The following SHPRH variants were observed in gnomAD, a reference collection of about 807,000 sequenced individuals.
SHPRH encodes E3 ubiquitin-protein ligase SHPRH.
Under a neutral mutation model 202.5 loss-of-function variants are expected in SHPRH, and 106 were observed. The ratio of observed to expected loss-of-function variants is 0.52; its 90% CI spans 0.45 to 0.62. The LOEUF (loss-of-function observed/expected upper bound fraction) is 0.62, where lower values mean the gene tolerates loss of function less well. Among genes scored for constraint, SHPRH ranks in the 20% least tolerant of loss-of-function variants. The pLI is 0.00. For missense variants in SHPRH, 1,710 were observed against 2,020.0 expected (o/e 0.85, Z 2.94); for synonymous variants, 729 against 686.0 (o/e 1.06, Z -0.98).
At chr6:145,917,728 T>G (rs1329553122) in intron 23 of SHPRH, 2 of 154,314 alleles carry the variant, frequency 1.3e-5, no homozygotes, top group African/African-American at 4.8e-5. Context: ...TTTATTACCA[T>G]GTACTCTGAT....
intron 9 of SHPRH, 82 bp downstream of exon 9, chr6:145,943,061 C>CA: frequency 6.9e-7 from 1 of 1,458,154 alleles, no homozygotes; most frequent in Non-Finnish European, 9.2e-7. Context: ...GGATAAACCA[C>CA]AAAGAAACAA....
At chr6:145,928,378 T>A (rs148872066) in intron 14 of SHPRH, among the ~76,000 whole-genome samples, 190 of 151,836 alleles carry the variant, frequency 1.3e-3, no homozygotes, top group African/African-American at 4.2e-3. Context: ...GGCAAAACCA[T>A]GCAATCCATA....
In SHPRH at chr6:145,886,657, T is replaced by C. The variant is rs1320017880; in HGVS notation, c.*34A>G. Reference sequence around the variant, plus strand: ...CTCTACAGCTATGAAAGTTTATTAATACACTAAAGTCCATGGAATGAATCA... The same window carrying C: ...CTCTACAGCTATGAAAGTTTATTAACACACTAAAGTCCATGGAATGAATCA... On this transcript the variant is annotated 3_prime_UTR_variant, in exon 30 of 30. Transcript: ENST00000275233. 2 of 1,603,378 alleles carry C rather than the reference T, an allele frequency of 1.2e-6. No homozygotes were observed. The highest frequency in any genetic ancestry group is 1.7e-6 in the Non-Finnish European group (2 of 1,176,960).
downstream of SHPRH, among the ~76,000 whole-genome samples, chr6:145,863,821 C>T (rs989629698): frequency 5.3e-5 from 8 of 152,182 alleles, no homozygotes; most frequent in Non-Finnish European, 1.0e-4. Flanking sequence ...TTCCTACTGT[C>T]CTTAGTAATT....
chr6:145,942,709 T>C (rs910122900), intron 9 of SHPRH, among the ~76,000 whole-genome samples: 7 of 152,202 alleles, frequency 4.6e-5, no homozygotes, highest in African/African-American at 1.7e-4. Flanking sequence ...CAATAAAGAT[T>C]TGCTGTATAA....
rs1460951327 is a variant in SHPRH at position 145,943,623 on chromosome 6, T to C, written c.1758A>G (p.Lys586=). The change falls in exon 9 of 30, where the codon AAA becomes AAG. Residue 586 remains lysine, a synonymous_variant. Coordinates refer to ENST00000275233, the MANE Select transcript of SHPRH (RefSeq NM_001042683.3). Reference sequence around the variant, plus strand: ...GATTGATAAATGGTTGACTTTTTCCTTTTTTTGTGGATGGAACAAGCTTTT... The same window carrying C: ...GATTGATAAATGGTTGACTTTTTCCCTTTTTTGTGGATGGAACAAGCTTTT... ...LRKKLVPSTK[K]GKSQPFINPD... is the part of the protein sequence containing the mutation. 6.2e-6 allele frequency: 10 copies of C among 1,613,702 alleles called. No homozygotes were observed. Among genetic ancestry groups the C allele is most frequent in the Non-Finnish European group, 8.5e-6 (10 of 1,179,856 alleles).
In SHPRH at chr6:145,935,432, C is replaced by A. The variant is rs1052225537; in HGVS notation, c.2579G>T (p.Gly860Val). The change falls in exon 12 of 30, where the codon GGG becomes GTG. Residue 860 changes from glycine (G) to valine (V), a missense_variant. Around this residue, in one of 8 missense-constraint regions of SHPRH, gnomAD observed 277 missense variants for 363.0 expected, o/e 0.76. Coordinates refer to ENST00000275233, the MANE Select transcript of SHPRH (RefSeq NM_001042683.3). ...TTCAATACCAAGAAAGACCACTAAC[C>A]CAAAAAGATCTGAAAAGAAAAAATA... ...PVQRGLEDLF[G>V]LVVFLGIEPY... 5.0e-6 allele frequency: 8 copies of A among 1,613,034 alleles called. No individual in the cohort carries two copies. Among genetic ancestry groups the A allele is most frequent in the Non-Finnish European group, 6.8e-6 (8 of 1,179,780 alleles).
intron 2 of SHPRH, among the ~76,000 whole-genome samples, chr6:145,867,472 C>A (rs1249803890): frequency 6.6e-6 from 1 of 151,354 alleles, no homozygotes. Flanking sequence ...ACAGGTGTCA[C>A]TACAAGAGAG....
At chr6:145,958,344 C>A (rs958106978) in intron 1 of SHPRH, among the ~76,000 whole-genome samples, 1 of 151,746 alleles carries the variant, frequency 6.6e-6, no homozygotes, top group African/African-American at 2.4e-5. Flanking sequence ...AAAAGATGCA[C>A]GAGATTTAGA....
downstream of SHPRH, among the ~76,000 whole-genome samples, chr6:145,862,415 C>CAA (rs1435579243): frequency 6.7e-6 from 1 of 149,720 alleles, no homozygotes. Context: ...GACTCCGTCT[C>CAA]AACAAAACAA....
chr6:145,945,748 A>T (rs1386610385), intron 7 of SHPRH, 111 bp from the exon 8 acceptor site: 4 of 1,180,492 alleles, frequency 3.4e-6, no homozygotes, highest in Non-Finnish European at 4.5e-6. Context: ...AAATAAATCA[A>T]AGATTTATTA....
intron 9 of SHPRH, 24 bp from the exon 10 acceptor site, chr6:145,941,898 G>A: frequency 1.2e-6 from 2 of 1,607,342 alleles, no homozygotes; most frequent in Non-Finnish European, 1.7e-6. Context: ...AATACAGGCA[G>A]TTATTGCAAA....
intron 28 of SHPRH, 124 bp from the exon 29 acceptor site, chr6:145,888,224 G>A (rs754644709): frequency 1.1e-4 from 73 of 635,204 alleles, no homozygotes; most frequent in Non-Finnish European, 1.8e-4. Flanking sequence ...GGTGCTGGGA[G>A]GGGTTCAGCA....
intron 2 of SHPRH, chr6:145,876,988 T>C (rs1418179029): frequency 6.6e-6 from 1 of 152,194 alleles, no homozygotes; most frequent in Non-Finnish European, 1.5e-5. Context: ...TCCAAAACTG[T>C]AATAAATAAA....
intron 5 of SHPRH, among the ~76,000 whole-genome samples, chr6:145,947,893 T>C (rs947507053): frequency 6.6e-5 from 10 of 152,028 alleles, no homozygotes; most frequent in Non-Finnish European, 1.3e-4. Flanking sequence ...GTCTGCCTTC[T>C]TTCTATGACC....
chr6:145,897,730 T>C (rs1583325120), intron 25 of SHPRH, among the ~76,000 whole-genome samples: 1 of 152,140 alleles, frequency 6.6e-6, no homozygotes, highest in Non-Finnish European at 1.5e-5. Context: ...GTTTAACGTA[T>C]GCAAACCAAT....
At chr6:145,946,514 C>A (rs1277302014) in intron 6 of SHPRH, among the ~76,000 whole-genome samples, 173 bp from the exon 7 acceptor site, 1 of 151,960 alleles carries the variant, frequency 6.6e-6, no homozygotes, top group Non-Finnish European at 1.5e-5. Context: ...GAGTTTACAG[C>A]TAGCTATCAC....
Position 145,941,827 on chromosome 6 carries a change from C to CA in SHPRH, c.2285dup (p.Leu762PhefsTer12), listed in dbSNP as rs1562352604. ...TAATGATAACTATATCCTGTTCTGCCAAAAAATGAGGTTGTAAAAAGCCAT... is the reference window on the plus strand; with the variant it reads ...TAATGATAACTATATCCTGTTCTGCCAAAAAAATGAGGTTGTAAAAAGCCAT... On this transcript the variant is annotated frameshift_variant, in exon 10 of 30. Coordinates refer to ENST00000275233, the MANE Select transcript of SHPRH (RefSeq NM_001042683.3). LOFTEE classifies it high-confidence loss of function. The CA allele has an allele frequency of 6.2e-7, 1 of 1,613,430 alleles. No homozygotes were observed. Among genetic ancestry groups the CA allele is most frequent in the Non-Finnish European group, 8.5e-7 (1 of 1,179,838 alleles).
At chr6:145,861,044 G>GA (rs750600122), downstream of SHPRH, among the ~76,000 whole-genome samples, 1 of 151,942 alleles carries the variant, frequency 6.6e-6, no homozygotes, top group African/African-American at 2.4e-5. Flanking sequence ...TTAAATAGAG[G>GA]AAAAAGTTTG....
Sources: allele counts gnomAD v4.1 joint callset (sites outside exome capture counted in the v4.1 genomes callset), GRCh38; gene constraint gnomAD v4.1.1; regional missense constraint gnomAD v4.1.1; transcripts MANE v1.5; gene names NCBI Gene and HGNC (gene_info 2026-07-23, HGNC 2026-07-21).